GPATCH8: variants seen among roughly 807,000 people sequenced by gnomAD.
GPATCH8 encodes the protein G-patch domain containing 8, also known as G patch domain-containing protein 8.
A neutral mutation model predicts 118.3 loss-of-function variants in GPATCH8; 18 were observed. That is an observed-to-expected ratio of 0.15 (90% CI 0.11 to 0.23). The LOEUF (loss-of-function observed/expected upper bound fraction) is 0.23. GPATCH8 is among the 10% of genes least tolerant of loss of function. GPATCH8 has a pLI of 1.00. For missense variants in GPATCH8, 1,631 were observed against 1,873.8 expected (o/e 0.87, Z 2.39); for synonymous variants, 659 against 684.7 (o/e 0.96, Z 0.59).
Position 44,478,517 on chromosome 17 carries a change from T to G in GPATCH8, c.46-3614A>C, listed in dbSNP as rs372423917. 3.9e-5 allele frequency among the ~76,000 whole-genome samples: 6 copies of G among 152,000 alleles called. No individual in the cohort carries two copies. The South Asian group carries it at 1.2e-3, about 32-fold the overall frequency. ...AAAAAAAACTAGATGGGCGTGGTGG[T>G]GTGTACCTATAGTCCTAGTCCTATA... On this transcript the variant is annotated intron_variant, in intron 1 of 7. Coordinates refer to ENST00000591680, the MANE Select transcript of GPATCH8 (RefSeq NM_001002909.4).
At chr17:44,426,884 ACTCT>A (rs2050110965) in intron 5 of GPATCH8, among the ~76,000 whole-genome samples, 1 of 148,626 alleles carries the variant, frequency 6.7e-6, no homozygotes, top group South Asian at 2.1e-4. Flanking sequence ...TCTCTCTCAC[ACTCT>A]CTCTCAACTC....
At chr17:44,470,622 G>A (rs1967206218) in intron 2 of GPATCH8, among the ~76,000 whole-genome samples, 1 of 151,518 alleles carries the variant, frequency 6.6e-6, no homozygotes, top group Admixed American at 6.6e-5. Context: ...TCAGCCTCCT[G>A]AGTAGCTGGG....
At position 44,469,270 on chromosome 17, in the gene GPATCH8, A is replaced by AT. The variant is rs1242847285; in HGVS notation, c.121-4727dup. 5.3e-5 allele frequency among the ~76,000 whole-genome samples: 8 copies of AT among 152,342 alleles called. No homozygotes were observed. The East Asian group carries it at 1.3e-3, about 26-fold the overall frequency. On this transcript the variant is annotated intron_variant, in intron 2 of 7. Coordinates refer to ENST00000591680, the MANE Select transcript of GPATCH8 (RefSeq NM_001002909.4). The stretch of plus-strand genomic sequence containing the variant: ...AATACCAGCAATGTAAAAATACTTC[A>AT]TTATTAACTGTTTCAGCCATTCCTC...
At position 44,410,217 on chromosome 17, in the gene GPATCH8, C is replaced by T. The variant is rs1255689621; in HGVS notation, c.493-4166G>A. On this transcript the variant is annotated intron_variant, in intron 6 of 7. Coordinates refer to ENST00000591680, the MANE Select transcript of GPATCH8 (RefSeq NM_001002909.4). ...CTACCAACGTCTGGCTCATTTGTCA[C>T]GGAATACCCACGTGAAATTCTGTGA... Among the ~76,000 whole-genome samples, 15 of 152,302 alleles carry T rather than the reference C, an allele frequency of 9.8e-5. 1 individual carries two copies. Among genetic ancestry groups the T allele is most frequent in the South Asian group, 4.2e-4 (2 of 4,818 alleles).
At position 44,398,189 on chromosome 17, in the gene GPATCH8, C is replaced by T. The variant is rs61746719; in HGVS notation, c.3888G>A (p.Gly1296=). Residue 1296 remains glycine, a synonymous_variant, in exon 8 of 8, where the codon GGG becomes GGA. Coordinates refer to ENST00000591680, the MANE Select transcript of GPATCH8 (RefSeq NM_001002909.4). ...GGGGGGCCAGTGAAGCATCCTCAGC[C>T]CCATCTGTTGACTCAATACTAGGAT... The part of the protein sequence containing the change: ...SGDPSIESTD[G]AEDASLAPLE... 57,487 of 1,613,416 alleles carry T rather than the reference C, an allele frequency of 0.036. 1,179 individuals carry two copies. The highest frequency in any genetic ancestry group is 0.042 in the Non-Finnish European group (49,618 of 1,179,532).
intron 6 of GPATCH8, among the ~76,000 whole-genome samples, chr17:44,422,863 G>A (rs1212997278): frequency 6.6e-6 from 1 of 152,048 alleles, no homozygotes; most frequent in Non-Finnish European, 1.5e-5. Context: ...TTTCTTTCCT[G>A]AAAAACCAGT....
At chr17:44,478,103 G>C (rs1967921706) in intron 1 of GPATCH8, among the ~76,000 whole-genome samples, 1 of 152,210 alleles carries the variant, frequency 6.6e-6, no homozygotes, top group South Asian at 2.1e-4. Context: ...TGAGATTACA[G>C]ATGTGAGCCA....
At chr17:44,458,684 G>A (rs557954987) in intron 3 of GPATCH8, among the ~76,000 whole-genome samples, 1 of 152,146 alleles carries the variant, frequency 6.6e-6, no homozygotes, top group South Asian at 2.1e-4. Flanking sequence ...ACCATGCCTG[G>A]CTAATCTATT....
chr17:44,399,031 C>G lies in GPATCH8; in HGVS notation c.3046G>C (p.Glu1016Gln). Residue 1016 changes from glutamate (E) to glutamine (Q), a missense_variant, in exon 8 of 8, where the codon GAG (glutamate) becomes CAG (glutamine). Physicochemically the swap from Glu to Gln is conservative, Grantham distance 29 (BLOSUM62 2). This residue lies in a region of GPATCH8 where 922 missense variants were observed against 879.7 expected (regional missense o/e 1.05). Transcript: ENST00000591680. Reference sequence around the variant, plus strand: ...TCCCGACGCCCAGAATGCCTCTCCTCAGGGCTCTCGTGACCCCATGATCTC... The same window carrying G: ...TCCCGACGCCCAGAATGCCTCTCCTGAGGGCTCTCGTGACCCCATGATCTC... The part of the protein sequence containing the change: ...RKRSWGHESP[E>Q]ERHSGRRDFI... The G allele has an allele frequency of 3.1e-6, 5 of 1,614,100 alleles. No individual in the cohort carries two copies. The highest frequency in any genetic ancestry group is 4.2e-6 in the Non-Finnish European group (5 of 1,179,996).
chr17:44,495,376 T>A (rs757152975), intron 1 of GPATCH8, among the ~76,000 whole-genome samples: 17 of 152,182 alleles, frequency 1.1e-4, no homozygotes, highest in Non-Finnish European at 2.2e-4. Flanking sequence ...TCATCCCACT[T>A]TAAGGATTCT....
intron 1 of GPATCH8, among the ~76,000 whole-genome samples, chr17:44,479,918 G>C (rs1968081785): frequency 6.6e-6 from 1 of 150,482 alleles, no homozygotes; most frequent in African/African-American, 2.4e-5. Context: ...AGTGAGCCGA[G>C]ACTGCGCCAC....
At chr17:44,471,126 T>C (rs1967246495) in intron 2 of GPATCH8, among the ~76,000 whole-genome samples, 1 of 152,242 alleles carries the variant, frequency 6.6e-6, no homozygotes, top group African/African-American at 2.4e-5. Flanking sequence ...AAAAAGATAT[T>C]TCATTCTTGA....
Position 44,399,475 on chromosome 17 carries a change from G to A in GPATCH8, c.2602C>T (p.Arg868Cys). The A allele has an allele frequency of 6.2e-7, 1 of 1,614,160 alleles. No individual in the cohort carries two copies. Among genetic ancestry groups the A allele is most frequent in the East Asian group, 2.2e-5 (1 of 44,872 alleles). ...RRHSSHRSSR[R>C]SYSSSSDASS... is the part of the protein sequence containing the mutation. ...GCATCTGAGCTACTTGAGTAAGAAC[G>A]CCGGGAGGAACGATGCGAGGAATGG... The change falls in exon 8 of 8, where the codon CGT becomes TGT. Residue 868 changes from arginine to cysteine, a missense_variant. Arg to Cys is a radical substitution (Grantham distance 180). This residue lies in a region of GPATCH8 where 922 missense variants were observed against 879.7 expected (regional missense o/e 1.05). Transcript: ENST00000591680.
At chr17:44,460,044 C>G (rs1040373619) in intron 3 of GPATCH8, among the ~76,000 whole-genome samples, 1 of 152,172 alleles carries the variant, frequency 6.6e-6, no homozygotes, top group African/African-American at 2.4e-5. Flanking sequence ...CTGGGCTACA[C>G]CTATTGACTA....
chr17:44,410,480 T>C (rs552572057), intron 6 of GPATCH8, among the ~76,000 whole-genome samples: 15 of 152,348 alleles, frequency 9.8e-5, no homozygotes, highest in African/African-American at 3.6e-4. Flanking sequence ...TAATTATCCA[T>C]TTAAGCTGAC....
chr17:44,447,055 C>T lies in GPATCH8; in HGVS notation c.194-10510G>A, dbSNP rs537458179. Among the ~76,000 whole-genome samples the T allele has an allele frequency of 1.4e-4, 22 of 152,006 alleles. 1 individual carries two copies. The highest frequency in any genetic ancestry group is 3.4e-3 in the Middle Eastern group (1 of 294). On this transcript the variant is annotated intron_variant, in intron 3 of 7. Transcript: ENST00000591680. ...TTCACCATGTTGGCCAAGCTGGTCTCGAACTCCTGACCTCAAGTGATCTGC... is the reference window on the plus strand; with the variant it reads ...TTCACCATGTTGGCCAAGCTGGTCTTGAACTCCTGACCTCAAGTGATCTGC...
At chr17:44,434,596 T>C (rs1010131612) in intron 5 of GPATCH8, among the ~76,000 whole-genome samples, 2 of 151,910 alleles carry the variant, frequency 1.3e-5, no homozygotes, top group Non-Finnish European at 2.9e-5. Flanking sequence ...TCCCAGCACT[T>C]TGGGAGGCCG....
intron 3 of GPATCH8, among the ~76,000 whole-genome samples, chr17:44,453,500 G>GTGTGTGTGT (rs1568011427): frequency 6.3e-5 from 9 of 142,702 alleles, no homozygotes; most frequent in Admixed American, 3.5e-4. Context: ...GGTAGGTAGG[G>GTGTGTGTGT]GTGTGTGTGT....
chr17:44,412,385 A>ATTTCAT (rs2049476048), intron 6 of GPATCH8, among the ~76,000 whole-genome samples: 2 of 151,814 alleles, frequency 1.3e-5, no homozygotes, highest in African/African-American at 2.4e-5. Flanking sequence ...CTTTCATTTT[A>ATTTCAT]TTTTTTATTT....
Sources: gnomAD v4.1 joint callset for allele counts (sites outside exome capture counted in the v4.1 genomes callset) on GRCh38, gnomAD v4.1.1 for gene constraint, gnomAD v4.1.1 regional missense constraint, MANE v1.5 for transcripts, NCBI Gene and HGNC (gene_info 2026-07-23, HGNC 2026-07-21) for gene names.